The following SGCD variants were observed in gnomAD, a reference collection of about 807,000 sequenced individuals.
SGCD encodes the protein sarcoglycan delta.
A neutral mutation model predicts 36.6 loss-of-function variants in SGCD; 18 were observed. The observed-to-expected ratio is 0.49, with a 90% CI of 0.34 to 0.73. The LOEUF (loss-of-function observed/expected upper bound fraction) is 0.73. SGCD is among the 30% of genes least tolerant of loss of function. The pLI is 0.01. For synonymous variants in SGCD, 133 were observed against 130.6 expected, an observed-to-expected ratio of 1.02 and a Z score of -0.12; for missense variants, 387 against 346.7, an observed-to-expected ratio of 1.12 and a Z score of -0.92.
the SGCD span, among the ~76,000 whole-genome samples, chr5:155,787,037 T>G: frequency 6.6e-6 from 1 of 152,190 alleles, no homozygotes; most frequent in Non-Finnish European, 1.5e-5. Flanking sequence ...GGCTTTGCTA[T>G]TAAAAGCCCG....
Position 156,380,343 on chromosome 5 carries a change from T to G in SGCD, c.192+35666T>G, listed in dbSNP as rs114973969. ...AGAGAACCCTCACTTGATGAATACA[T>G]AGTTTGTGTTTTGTATATCTTTTGC... is the stretch of plus-strand genomic sequence containing the variant. On this transcript the variant is annotated intron_variant, in intron 3 of 8. Coordinates refer to ENST00000337851, the MANE Select transcript of SGCD (RefSeq NM_000337.6). Among the ~76,000 whole-genome samples the G allele has an allele frequency of 8.7e-3, 1,322 of 152,292 alleles. 7 individuals carry two copies. The highest frequency in any genetic ancestry group is 0.017 in the Middle Eastern group (5 of 294).
intron 1 of SGCD, among the ~76,000 whole-genome samples, chr5:155,993,677 T>C (rs916395383): frequency 6.6e-6 from 1 of 151,982 alleles, no homozygotes; most frequent in African/African-American, 2.4e-5. Flanking sequence ...TCCAAATGAG[T>C]CTTCACTTAC....
intron 3 of SGCD, among the ~76,000 whole-genome samples, chr5:156,469,493 T>C (rs1233669084): frequency 6.6e-6 from 1 of 152,244 alleles, no homozygotes; most frequent in Non-Finnish European, 1.5e-5. Context: ...AGAACAGATT[T>C]TTATATTTAT....
chr5:156,392,914 G>A (rs1580919916), intron 3 of SGCD, among the ~76,000 whole-genome samples: 1 of 152,220 alleles, frequency 6.6e-6, no homozygotes, highest in East Asian at 1.9e-4. Context: ...AGCCACCTGT[G>A]TGTCTGCCTG....
intron 3 of SGCD, among the ~76,000 whole-genome samples, chr5:156,450,893 G>T (rs1210855329): frequency 6.6e-6 from 1 of 151,844 alleles, no homozygotes; most frequent in Non-Finnish European, 1.5e-5. Flanking sequence ...AGACATTATA[G>T]AAAATTTCAA....
chr5:156,728,460 G>T (rs370669948), intron 7 of SGCD, among the ~76,000 whole-genome samples: 1 of 129,566 alleles, frequency 7.7e-6, no homozygotes, highest in East Asian at 2.6e-4. Flanking sequence ...GCAGTGAGCC[G>T]AGTTTGCGCC....
chr5:156,326,162 G>T (rs578198743), upstream of SGCD, among the ~76,000 whole-genome samples: 406 of 152,286 alleles, frequency 2.7e-3, no homozygotes, highest in Non-Finnish European at 4.7e-3. Context: ...AGATATGGGG[G>T]TTTTTCAGTG....
intron 3 of SGCD, among the ~76,000 whole-genome samples, chr5:156,132,456 G>GTTTTTTTTTTTT (rs1561532851): frequency 8.2e-5 from 6 of 73,580 alleles, no homozygotes; most frequent in African/African-American, 1.8e-4. Context: ...AACTTACCAA[G>GTTTTTTTTTTTT]TCTTTTTTTT....
At chr5:156,098,747 A>G (rs558185101) in intron 1 of SGCD, among the ~76,000 whole-genome samples, 6 of 152,108 alleles carry the variant, frequency 3.9e-5, no homozygotes, top group Admixed American at 3.9e-4. Context: ...TTTTTCACCT[A>G]TGCTCAACTT....
intron 3 of SGCD, among the ~76,000 whole-genome samples, chr5:156,142,424 C>G (rs1027841231): frequency 7.9e-5 from 12 of 152,100 alleles, no homozygotes; most frequent in African/African-American, 2.9e-4. Context: ...AGCTTTGGAA[C>G]TAGGTAATGG....
intron 6 of SGCD, among the ~76,000 whole-genome samples, chr5:156,608,357 A>C (rs113954092): frequency 0.25 from 37,563 of 152,042 alleles, 4,784 homozygotes; most frequent in East Asian, 0.31. Context: ...AGCGGTTTTG[A>C]GTGCGTTTCT....
intron 3 of SGCD, among the ~76,000 whole-genome samples, chr5:156,461,688 C>G (rs1754495786): frequency 6.6e-6 from 1 of 151,916 alleles, no homozygotes; most frequent in Admixed American, 6.6e-5. Context: ...GATAATTTTA[C>G]TTCACATAAT....
chr5:156,241,830 C>T (rs921167420), intron 3 of SGCD, among the ~76,000 whole-genome samples: 5 of 152,292 alleles, frequency 3.3e-5, no homozygotes, highest in South Asian at 2.1e-4. Context: ...ACACTCACTA[C>T]GGCCACTTAG....
At chr5:156,462,743 GTCT>G (rs2127819090) in intron 3 of SGCD, among the ~76,000 whole-genome samples, 1 of 152,168 alleles carries the variant, frequency 6.6e-6, no homozygotes, top group Non-Finnish European at 1.5e-5. Flanking sequence ...GGCTATAATG[GTCT>G]TCTTTAATTT....
intron 1 of SGCD, among the ~76,000 whole-genome samples, chr5:156,010,188 TATC>T (rs1293754656): frequency 6.6e-6 from 1 of 152,206 alleles, no homozygotes; most frequent in East Asian, 1.9e-4. Flanking sequence ...AAGTGGTACT[TATC>T]ATAACTTTCG....
chr5:156,557,818 G>A (rs906323024), intron 4 of SGCD, among the ~76,000 whole-genome samples: 16 of 151,804 alleles, frequency 1.1e-4, no homozygotes, highest in Admixed American at 1.1e-3. Flanking sequence ...TTGTGGGCAG[G>A]CCTCAATTAC....
the SGCD span, among the ~76,000 whole-genome samples, chr5:155,763,286 G>A: frequency 6.6e-6 from 1 of 152,134 alleles, no homozygotes; most frequent in Non-Finnish European, 1.5e-5. Flanking sequence ...CTCTTAGAGG[G>A]CATATTATCT....
At chr5:156,308,399 C>T (rs111937247) in intron 3 of SGCD, among the ~76,000 whole-genome samples, 13 of 151,848 alleles carry the variant, frequency 8.6e-5, no homozygotes, top group African/African-American at 1.9e-4. Flanking sequence ...CCCGGGTTCA[C>T]GCCATTCTGC....
At chr5:156,013,926 G>A (rs951520582) in intron 1 of SGCD, among the ~76,000 whole-genome samples, 3 of 150,340 alleles carry the variant, frequency 2.0e-5, no homozygotes, top group South Asian at 2.1e-4. Flanking sequence ...TTGTGTGTAC[G>A]TGTGTTTATT....
Sources: allele counts gnomAD v4.1 joint callset (sites outside exome capture counted in the v4.1 genomes callset), GRCh38; gene constraint gnomAD v4.1.1; transcripts MANE v1.5; gene names NCBI Gene and HGNC (gene_info 2026-07-23, HGNC 2026-07-21).